RANBP17: variants seen among roughly 807,000 people sequenced by gnomAD.
RANBP17 encodes RAN binding protein 17, also known as ran-binding protein 17.
RANBP17 carries 158 observed loss-of-function variants against 141.2 expected under a neutral mutation model. The observed-to-expected ratio is 1.12, with a 90% CI of 0.98 to 1.28. The LOEUF is 1.28. Among genes scored for constraint, RANBP17 ranks in the 50% most tolerant of loss-of-function variants. The probability of loss-of-function intolerance (pLI) is 0.00; values close to 1 mark genes in which losing one functional copy is unlikely to be tolerated. For missense variants in RANBP17, 1,438 were observed against 1,290.7 expected (o/e 1.11, Z -1.75); for synonymous variants, 430 against 450.0 (o/e 0.96, Z 0.56).
At chr5:170,916,128 C>A (rs11745825) in intron 8 of RANBP17, among the ~76,000 whole-genome samples, 69,754 of 112,926 alleles carry the variant, frequency 0.62, 22,747 homozygotes, top group South Asian at 0.89. Context: ...ATTGCATTAT[C>A]ATGCGTTATA....
chr5:171,188,742 A>G (rs534740516), intron 18 of RANBP17, among the ~76,000 whole-genome samples: 1 of 152,288 alleles, frequency 6.6e-6, no homozygotes, highest in Admixed American at 6.5e-5. Flanking sequence ...GGAACCCACT[A>G]TGTATCTGTG....
chr5:170,905,604 G>A (rs1212715445), intron 5 of RANBP17, among the ~76,000 whole-genome samples: 2 of 152,096 alleles, frequency 1.3e-5, no homozygotes, highest in African/African-American at 2.4e-5. Context: ...TATGCTGTGT[G>A]TTTGTGTGTA....
chr5:170,934,730 C>T (rs1335634005), intron 12 of RANBP17, among the ~76,000 whole-genome samples: 1 of 152,134 alleles, frequency 6.6e-6, no homozygotes. Flanking sequence ...CTCTAGCTGC[C>T]CTTAACATTT....
At chr5:171,278,333 A>G (rs1328194904) in intron 25 of RANBP17, among the ~76,000 whole-genome samples, 2 of 152,120 alleles carry the variant, frequency 1.3e-5, no homozygotes, top group East Asian at 1.9e-4. Flanking sequence ...CCAGACCAAC[A>G]TGGTGAAACC....
At chr5:171,086,195 G>A (rs1221093811) in intron 14 of RANBP17, among the ~76,000 whole-genome samples, 3 of 137,900 alleles carry the variant, frequency 2.2e-5, no homozygotes, top group African/African-American at 8.2e-5. Context: ...TTTTGTCAAA[G>A]GCTTTTTCTA....
At chr5:171,097,608 T>TTTATTATTATTA (rs35948377) in intron 14 of RANBP17, among the ~76,000 whole-genome samples, 27 of 141,388 alleles carry the variant, frequency 1.9e-4, no homozygotes, top group Middle Eastern at 3.7e-3. Flanking sequence ...ATGTAGTCTT[T>TTTATTATTATTA]TTATTATTAT....
intron 14 of RANBP17, among the ~76,000 whole-genome samples, chr5:171,063,011 C>T (rs1784010453): frequency 2.0e-5 from 3 of 151,960 alleles, no homozygotes; most frequent in Admixed American, 6.6e-5. Context: ...TCAGCTCCAT[C>T]AGCTCCTTTA....
chr5:171,010,769 A>T (rs1581389361), intron 14 of RANBP17, among the ~76,000 whole-genome samples: 1 of 152,316 alleles, frequency 6.6e-6, no homozygotes, highest in Middle Eastern at 3.4e-3. Flanking sequence ...AGGGAGTCTT[A>T]TGAATAAGTT....
intron 24 of RANBP17, among the ~76,000 whole-genome samples, chr5:171,258,800 T>C (rs1270991555): frequency 6.6e-6 from 1 of 152,138 alleles, no homozygotes; most frequent in Admixed American, 6.5e-5. Flanking sequence ...GGGAAAACTC[T>C]TCTGAACATT....
chr5:171,298,777 G>A lies in RANBP17; in HGVS notation c.3186G>A (p.Leu1062=). ...VKNRDRFTQN[L]SVFRRDVAEA... ...CTTTCTGCAGGTTCACCCAAAATCT[G>A]TCTGTATTCAGAAGAGATGTGGCAG... The change falls in exon 28 of 28, where the codon CTG becomes CTA. Residue 1062 remains leucine (L), a synonymous_variant. Transcript: ENST00000523189. The A allele has an allele frequency of 1.2e-6, 2 of 1,614,000 alleles. No individual in the cohort carries two copies. The highest frequency in any genetic ancestry group is 1.7e-6 in the Non-Finnish European group (2 of 1,179,886).
chr5:170,862,948 A>G (rs552915528), intron 1 of RANBP17, among the ~76,000 whole-genome samples: 3 of 152,308 alleles, frequency 2.0e-5, no homozygotes. Flanking sequence ...CCAAATGTGT[A>G]TGTTGAGAAG....
intron 14 of RANBP17, among the ~76,000 whole-genome samples, chr5:171,031,998 T>G (rs926647165): frequency 1.3e-5 from 2 of 152,070 alleles, no homozygotes; most frequent in Non-Finnish European, 2.9e-5. Flanking sequence ...GTTGACCGAG[T>G]AAAATTGTAT....
At chr5:170,938,149 G>C (rs149108450) in intron 12 of RANBP17, among the ~76,000 whole-genome samples, 4 of 152,140 alleles carry the variant, frequency 2.6e-5, no homozygotes, top group Non-Finnish European at 4.4e-5. Flanking sequence ...GCAAAAAGCA[G>C]GGTTGCTCTC....
chr5:170,978,731 A>G (rs1777558782), intron 14 of RANBP17, among the ~76,000 whole-genome samples: 1 of 152,170 alleles, frequency 6.6e-6, no homozygotes, highest in Non-Finnish European at 1.5e-5. Flanking sequence ...TGGGAAAGTG[A>G]ACTAAGGGAG....
chr5:170,922,804 G>A (rs761505466), intron 11 of RANBP17, among the ~76,000 whole-genome samples: 5 of 152,096 alleles, frequency 3.3e-5, no homozygotes, highest in Admixed American at 6.6e-5. Flanking sequence ...CCCTGCTTCA[G>A]CTTGCCCTCC....
At position 171,183,388 on chromosome 5, in the gene RANBP17, A is replaced by G. The variant is rs1202472831; in HGVS notation, c.1996A>G (p.Thr666Ala). 6.2e-7 allele frequency: 1 copy of G among 1,613,806 alleles called. No homozygotes were observed. Among genetic ancestry groups the G allele is most frequent in the African/African-American group, 1.3e-5 (1 of 74,922 alleles). Residue 666 changes from threonine (T) to alanine (A), a missense_variant, in exon 18 of 28, where the codon ACC becomes GCC. By Grantham distance (58) the Thr-to-Ala change is moderately conservative. Coordinates refer to ENST00000523189, the MANE Select transcript of RANBP17 (RefSeq NM_022897.5). ...TCTCAGCGACTTCAGGTGTCGAACA[A>G]CCTTCTACACAGCGCTCACTCGCCT... The part of the protein sequence containing the change: ...HSLSDFRCRT[T>A]FYTALTRLLM...
chr5:171,170,928 A>C (rs1272511239), intron 15 of RANBP17, among the ~76,000 whole-genome samples: 1 of 152,112 alleles, frequency 6.6e-6, no homozygotes, highest in Admixed American at 6.6e-5. Flanking sequence ...TTTTGGGTAC[A>C]AACTTGATGT....
chr5:171,072,453 A>T (rs75329731), intron 14 of RANBP17, among the ~76,000 whole-genome samples: 1 of 147,606 alleles, frequency 6.8e-6, no homozygotes, highest in Non-Finnish European at 1.5e-5. Flanking sequence ...AAGCTAATTG[A>T]AAAAAAAAAA....
intron 18 of RANBP17, among the ~76,000 whole-genome samples, chr5:171,183,758 A>C (rs569089029): frequency 6.6e-6 from 1 of 152,350 alleles, no homozygotes; most frequent in South Asian, 2.1e-4. Flanking sequence ...TTTACACACA[A>C]AGATTTTCGT....
Sources: allele counts gnomAD v4.1 joint callset (sites outside exome capture counted in the v4.1 genomes callset), GRCh38; gene constraint gnomAD v4.1.1; transcripts MANE v1.5; gene names NCBI Gene and HGNC (gene_info 2026-07-23, HGNC 2026-07-21).